PIP5K1B: variants seen among roughly 807,000 people sequenced by gnomAD.
PIP5K1B encodes phosphatidylinositol 4-phosphate 5-kinase type-1 beta.
Under a neutral mutation model 67.0 loss-of-function variants are expected in PIP5K1B, and 42 were observed. That is an observed-to-expected ratio of 0.63 (90% CI 0.49 to 0.81). The LOEUF (loss-of-function observed/expected upper bound fraction) is 0.81. Among genes scored for constraint, PIP5K1B ranks in the 30% least tolerant of loss-of-function variants. The pLI, the probability that PIP5K1B is intolerant of heterozygous loss-of-function variation, is 0.00. For synonymous variants in PIP5K1B, 214 were observed against 231.4 expected, an observed-to-expected ratio of 0.92 and a Z score of 0.68; for missense variants, 459 against 646.3, an observed-to-expected ratio of 0.71 and a Z score of 3.14.
At chr9:68,785,048 A>G (rs1010230472) in intron 2 of PIP5K1B, among the ~76,000 whole-genome samples, 1 of 152,148 alleles carries the variant, frequency 6.6e-6, no homozygotes. Context: ...GGAGTAAGTT[A>G]AGGACAAGTA....
chr9:68,987,848 G>A (rs373311204), intron 14 of PIP5K1B, among the ~76,000 whole-genome samples: 3 of 152,042 alleles, frequency 2.0e-5, no homozygotes, highest in Admixed American at 6.6e-5. Flanking sequence ...AGAACAGCAC[G>A]GGGGAAACCA....
chr9:68,858,717 T>C (rs1003459545), intron 4 of PIP5K1B, among the ~76,000 whole-genome samples: 8 of 152,230 alleles, frequency 5.3e-5, no homozygotes, highest in Non-Finnish European at 2.9e-5. Flanking sequence ...TGCAAACATC[T>C]ATATTGGCCA....
intron 4 of PIP5K1B, among the ~76,000 whole-genome samples, chr9:68,831,960 A>G (rs1392682055): frequency 1.3e-5 from 2 of 152,216 alleles, no homozygotes; most frequent in Non-Finnish European, 2.9e-5. Context: ...TACAGGCGTG[A>G]GCCACGCCCC....
chr9:68,996,604 A>G (rs1157664253), intron 15 of PIP5K1B, among the ~76,000 whole-genome samples: 1 of 152,254 alleles, frequency 6.6e-6, no homozygotes, highest in Non-Finnish European at 1.5e-5. Flanking sequence ...CTTTGTAAAT[A>G]GTCCCAGATA....
chr9:68,820,483 C>T (rs1181510114), intron 3 of PIP5K1B, among the ~76,000 whole-genome samples: 1 of 152,040 alleles, frequency 6.6e-6, no homozygotes, highest in Non-Finnish European at 1.5e-5. Context: ...GGTTGGCTCA[C>T]CGTGATTCTT....
At chr9:68,921,654 C>T (rs1826411187) in intron 11 of PIP5K1B, among the ~76,000 whole-genome samples, 1 of 152,128 alleles carries the variant, frequency 6.6e-6, no homozygotes, top group African/African-American at 2.4e-5. Context: ...AGTTCGAGAC[C>T]AGCCTGGCTA....
chr9:68,765,840 A>C (rs1796600928), intron 2 of PIP5K1B, among the ~76,000 whole-genome samples: 1 of 152,192 alleles, frequency 6.6e-6, no homozygotes, highest in African/African-American at 2.4e-5. Flanking sequence ...TGGGAATGAC[A>C]ATTGATGTAG....
intron 14 of PIP5K1B, among the ~76,000 whole-genome samples, chr9:68,949,671 T>A (rs1490363437): frequency 6.6e-6 from 1 of 152,146 alleles, no homozygotes; most frequent in Non-Finnish European, 1.5e-5. Flanking sequence ...AAAGAAAAAG[T>A]TCAGCTGAAT....
intron 2 of PIP5K1B, among the ~76,000 whole-genome samples, chr9:68,800,473 C>G (rs969909154): frequency 6.6e-6 from 1 of 152,172 alleles, no homozygotes; most frequent in East Asian, 1.9e-4. Context: ...TTGGGTTCAA[C>G]AGACCTCACC....
chr9:68,942,340 T>C (rs1827602874), intron 14 of PIP5K1B, among the ~76,000 whole-genome samples: 1 of 152,222 alleles, frequency 6.6e-6, no homozygotes, highest in South Asian at 2.1e-4. Flanking sequence ...GCCATGGTGA[T>C]TTCTTACCGT....
chr9:68,946,641 G>A (rs377283496), intron 14 of PIP5K1B, among the ~76,000 whole-genome samples: 6 of 151,816 alleles, frequency 4.0e-5, no homozygotes, highest in Non-Finnish European at 7.4e-5. Flanking sequence ...TGGTCTGCCC[G>A]CCTCAGCCTC....
chr9:68,757,281 T>C (rs1829971165), intron 2 of PIP5K1B, among the ~76,000 whole-genome samples: 1 of 152,202 alleles, frequency 6.6e-6, no homozygotes. Context: ...AATTTTAATT[T>C]TCTATTTTAA....
intron 14 of PIP5K1B, chr9:68,941,227 C>A: frequency 2.5e-6 from 1 of 400,058 alleles, no homozygotes. Flanking sequence ...CATCCTAATT[C>A]CTGTAACCTG....
rs144113742 is a variant in PIP5K1B at position 68,934,437 on chromosome 9, A to G, written c.1202-453A>G. 4.0e-3 allele frequency among the ~76,000 whole-genome samples: 607 copies of G among 152,342 alleles called. 3 individuals are homozygous for G. Among genetic ancestry groups the G allele is most frequent in the Non-Finnish European group, 3.7e-3 (253 of 68,032 alleles). ...CATGAGTAGAAGATTAAACATTGGC[A>G]TGTTTAGAAATTCCCAGTCCCAAGT... On this transcript the variant is annotated intron_variant, in intron 12 of 15. Transcript: ENST00000265382.
At chr9:68,719,949 G>A (rs181460214) in intron 1 of PIP5K1B, among the ~76,000 whole-genome samples, 12 of 152,292 alleles carry the variant, frequency 7.9e-5, no homozygotes, top group Non-Finnish European at 1.3e-4. Context: ...GGAAGCTTTA[G>A]AAATGATCAG....
At chr9:68,982,757 C>G (rs1247450063) in intron 14 of PIP5K1B, among the ~76,000 whole-genome samples, 3 of 9,258 alleles carry the variant, frequency 3.2e-4, no homozygotes, top group African/African-American at 5.2e-4. Context: ...GAGACTCCAT[C>G]TCAAAAAAAA....
In PIP5K1B at chr9:68,959,396, A is replaced by G. The variant is rs144783431; in HGVS notation, c.1502+18606A>G. On this transcript the variant is annotated intron_variant, in intron 14 of 15. Transcript: ENST00000265382. The stretch of plus-strand genomic sequence containing the variant: ...TATTTTTCTAGGTTTTATTTTTATG[A>G]AAGTCAAATAGTTCTTCCAGGACTA... Among the ~76,000 whole-genome samples, 682 of 152,182 alleles carry G rather than the reference A, an allele frequency of 4.5e-3. 5 individuals are homozygous for G. Among genetic ancestry groups the G allele is most frequent in the Middle Eastern group, 0.01 (3 of 294 alleles).
At chr9:68,984,571 CA>C (rs1281383611) in intron 14 of PIP5K1B, among the ~76,000 whole-genome samples, 2 of 152,162 alleles carry the variant, frequency 1.3e-5, no homozygotes, top group African/African-American at 4.8e-5. Flanking sequence ...TATATTCTCC[CA>C]AATTCTTTTA....
intron 15 of PIP5K1B, among the ~76,000 whole-genome samples, chr9:68,997,834 C>G (rs928610904): frequency 6.6e-6 from 1 of 152,114 alleles, no homozygotes; most frequent in Admixed American, 6.5e-5. Context: ...TTTTAAAAAA[C>G]AAACAGCATT....
Sources: allele counts gnomAD v4.1 joint callset (sites outside exome capture counted in the v4.1 genomes callset), GRCh38; gene constraint gnomAD v4.1.1; transcripts MANE v1.5; gene names NCBI Gene and HGNC (gene_info 2026-07-23, HGNC 2026-07-21).